The following OTOGL variants were observed in gnomAD, a reference collection of about 807,000 sequenced individuals.
The protein encoded by OTOGL is otogelin like, also known as otogelin-like protein.
Under a neutral mutation model 318.5 loss-of-function variants are expected in OTOGL, and 285 were observed. That is an observed-to-expected ratio of 0.89 (90% CI 0.81 to 0.99). The LOEUF (loss-of-function observed/expected upper bound fraction) is 0.99. Ranked by LOEUF, OTOGL falls within the 50% of genes least tolerant of loss-of-function variation. The pLI is 0.00. For synonymous variants in OTOGL, 987 were observed against 936.5 expected (o/e 1.05, Z -0.99); for missense variants, 2,899 against 2,845.6 (o/e 1.02, Z -0.43).
rs1242683797 is a variant in OTOGL at position 80,103,221 on chromosome 12, A to G, written c.-20+3616A>G. 11 of 1,448,284 alleles carry G rather than the reference A, an allele frequency of 7.6e-6. No homozygotes were observed. The Admixed American group carries it at 1.5e-4, about 20-fold the overall frequency. The allele number at this position is 1,448,284 out of a possible 1,614,324, so 89.7% of individuals were successfully genotyped here. A position where few individuals can be genotyped will look rare whatever the true frequency, so the allele number is the denominator to read the frequency against. ...GGATCGCTCGTTGTACTTCTGTCTC[A>G]GCTCTTTGGAAAGAAGGGAAGACAT... On this transcript the variant is annotated intron_variant, in intron 1 of 58. Coordinates refer to ENST00000547103, the MANE Select transcript of OTOGL (RefSeq NM_001378609.3).
intron 11 of OTOGL, among the ~76,000 whole-genome samples, chr12:80,242,376 AG>A (rs1246145172): frequency 6.6e-6 from 1 of 152,136 alleles, no homozygotes; most frequent in African/African-American, 2.4e-5. Context: ...GGGACAAAGC[AG>A]GCATGTAATA....
At chr12:80,122,072 AT>A (rs1262671522) in intron 1 of OTOGL, among the ~76,000 whole-genome samples, 1 of 152,188 alleles carries the variant, frequency 6.6e-6, no homozygotes, top group Non-Finnish European at 1.5e-5. Flanking sequence ...CATTTGAATC[AT>A]TTTTGATTAA....
At position 80,311,043 on chromosome 12, in the gene OTOGL, A is replaced by G. The variant is rs568604405; in HGVS notation, c.3450+316A>G. 2.6e-5 allele frequency among the ~76,000 whole-genome samples: 4 copies of G among 152,298 alleles called. No individual in the cohort carries two copies. In the South Asian group the frequency reaches 6.2e-4, roughly 24 times the overall value. On this transcript the variant is annotated intron_variant, in intron 30 of 58. Coordinates refer to ENST00000547103, the MANE Select transcript of OTOGL (RefSeq NM_001378609.3). ...CATAAATGTTTACTTTTCTTTAGAG[A>G]ACATTGTCAAATGGGTATTCTTCTC... is the stretch of plus-strand genomic sequence containing the variant.
intron 1 of OTOGL, among the ~76,000 whole-genome samples, chr12:80,108,194 T>G (rs1009393175): frequency 5.3e-4 from 80 of 152,170 alleles, no homozygotes; most frequent in African/African-American, 1.8e-3. Flanking sequence ...TAATTGATTT[T>G]CTGTGAACTG....
At chr12:80,140,735 C>T (rs1871879451) in intron 1 of OTOGL, among the ~76,000 whole-genome samples, 1 of 152,100 alleles carries the variant, frequency 6.6e-6, no homozygotes, top group Admixed American at 6.6e-5. Flanking sequence ...TGGCACCTAG[C>T]TCATAGAAAA....
At chr12:80,200,130 T>G (rs771905389) in intron 1 of OTOGL, among the ~76,000 whole-genome samples, 2 of 152,170 alleles carry the variant, frequency 1.3e-5, no homozygotes, top group Non-Finnish European at 2.9e-5. Flanking sequence ...TGGGGAAATA[T>G]AAAGATGCAT....
rs1872956087 is a variant in OTOGL at position 80,154,020 on chromosome 12, A to G, written c.-20+54415A>G. The stretch of plus-strand genomic sequence containing the variant: ...TTATTTGCAAACATAATCAAAACTT[A>G]ACTTGAAGCTGGACACAGTGGCTCA... On this transcript the variant is annotated intron_variant, in intron 1 of 58. Transcript: ENST00000547103. 7.9e-5 allele frequency among the ~76,000 whole-genome samples: 12 copies of G among 152,272 alleles called. No homozygotes were observed. In the South Asian group the frequency reaches 2.5e-3, roughly 32 times the overall value.
At chr12:80,183,829 T>A (rs1485051462) in intron 1 of OTOGL, among the ~76,000 whole-genome samples, 1 of 152,182 alleles carries the variant, frequency 6.6e-6, no homozygotes, top group Non-Finnish European at 1.5e-5. Flanking sequence ...AATAGGACCC[T>A]TGCTCCATAG....
chr12:80,177,845 A>G (rs777753742), intron 1 of OTOGL, among the ~76,000 whole-genome samples: 1 of 152,134 alleles, frequency 6.6e-6, no homozygotes, highest in African/African-American at 2.4e-5. Flanking sequence ...AGGATGAATC[A>G]GAGCAACCTT....
chr12:80,288,794 G>A (rs376554386), intron 26 of OTOGL, among the ~76,000 whole-genome samples: 19 of 152,038 alleles, frequency 1.2e-4, no homozygotes, highest in African/African-American at 4.6e-4. Flanking sequence ...AGCAGTTCCT[G>A]TAACCTTTTA....
At chr12:80,264,942 G>A in intron 19 of OTOGL, 59 bp from the exon 20 acceptor site, 1 of 1,522,312 alleles carries the variant, frequency 6.6e-7, no homozygotes, top group Non-Finnish European at 9.1e-7. Context: ...GAAATGCTTG[G>A]ATAATTCTGG....
At chr12:80,177,901 A>G (rs1352943741) in intron 1 of OTOGL, among the ~76,000 whole-genome samples, 1 of 152,086 alleles carries the variant, frequency 6.6e-6, no homozygotes, top group East Asian at 1.9e-4. Context: ...TACTCTTCTG[A>G]ATATTCCAGC....
chr12:80,160,932 C>T (rs903914714), intron 1 of OTOGL, among the ~76,000 whole-genome samples: 3 of 152,136 alleles, frequency 2.0e-5, no homozygotes, highest in African/African-American at 7.2e-5. Context: ...GCATTCCCAG[C>T]AACGTGAATG....
intron 4 of OTOGL, among the ~76,000 whole-genome samples, chr12:80,217,150 T>C (rs983249691): frequency 6.6e-6 from 1 of 152,042 alleles, no homozygotes; most frequent in African/African-American, 2.4e-5. Flanking sequence ...ATTTTTTTTT[T>C]CCAAACCTAT....
intron 53 of OTOGL, 79 bp from the exon 54 acceptor site, chr12:80,367,482 C>T (rs891003600): frequency 5.8e-5 from 66 of 1,137,716 alleles, no homozygotes; most frequent in Non-Finnish European, 7.7e-5. Context: ...AAAACATAGA[C>T]TCAAATATAA....
At chr12:80,303,302 C>T (rs1885896420) in intron 28 of OTOGL, among the ~76,000 whole-genome samples, 1 of 152,246 alleles carries the variant, frequency 6.6e-6, no homozygotes, top group East Asian at 1.9e-4. Context: ...ACTACAGGCG[C>T]CAGCCACTAT....
At chr12:80,120,780 G>C (rs1870441877) in intron 1 of OTOGL, among the ~76,000 whole-genome samples, 1 of 152,062 alleles carries the variant, frequency 6.6e-6, no homozygotes, top group African/African-American at 2.4e-5. Context: ...TGCAGAGTTG[G>C]GTTTATAGGC....
chr12:80,107,455 G>T (rs1869520111), intron 1 of OTOGL, among the ~76,000 whole-genome samples: 1 of 152,166 alleles, frequency 6.6e-6, no homozygotes, highest in South Asian at 2.1e-4. Flanking sequence ...AATGACAGAT[G>T]CTAGTGAGGT....
At chr12:80,191,007 T>C (rs1416193604) in intron 1 of OTOGL, among the ~76,000 whole-genome samples, 1 of 152,196 alleles carries the variant, frequency 6.6e-6, no homozygotes, top group Non-Finnish European at 1.5e-5. Context: ...TTTCTGTTAT[T>C]GCAGAGGAGT....
Sources: gnomAD v4.1 joint callset for allele counts (sites outside exome capture counted in the v4.1 genomes callset) on GRCh38, gnomAD v4.1.1 for gene constraint, MANE v1.5 for transcripts, NCBI Gene and HGNC (gene_info 2026-07-23, HGNC 2026-07-21) for gene names.